The following AFG2A variants were observed in gnomAD, a reference collection of about 807,000 sequenced individuals.
AFG2A encodes AAA ATPase AFG2A, also known as ATPase family gene 2 protein homolog A.
chr4:123,236,137 C>T, the AFG2A span, among the ~76,000 whole-genome samples: 2 of 152,094 alleles, frequency 1.3e-5, no homozygotes, highest in East Asian at 3.9e-4. Flanking sequence ...CCTGAAAATA[C>T]AAATACAAAA....
At chr4:122,955,455 T>G in the AFG2A span, among the ~76,000 whole-genome samples, 4 of 152,202 alleles carry the variant, frequency 2.6e-5, no homozygotes, top group Non-Finnish European at 4.4e-5. Context: ...GAAGGGACAT[T>G]CAAACCATTG....
At chr4:123,290,576 A>C in the AFG2A span, among the ~76,000 whole-genome samples, 2 of 152,222 alleles carry the variant, frequency 1.3e-5, no homozygotes, top group Non-Finnish European at 2.9e-5. Flanking sequence ...AAAGAGGTTT[A>C]ATTGGACCCA....
the AFG2A span, among the ~76,000 whole-genome samples, chr4:123,005,450 C>T: frequency 3.3e-5 from 5 of 152,142 alleles, no homozygotes; most frequent in African/African-American, 9.7e-5. Context: ...CCACTGCGCC[C>T]AGCCTTGTTT....
At chr4:123,228,426 GA>G in the AFG2A span, among the ~76,000 whole-genome samples, 10 of 144,024 alleles carry the variant, frequency 6.9e-5, no homozygotes, top group South Asian at 2.2e-4. Context: ...AGCAACTGGA[GA>G]AAAAAAAAAG....
the AFG2A span, among the ~76,000 whole-genome samples, chr4:123,034,414 A>C: frequency 6.6e-6 from 1 of 152,146 alleles, no homozygotes; most frequent in South Asian, 2.1e-4. Flanking sequence ...AACCCACGTT[A>C]AAAGACATTC....
At chr4:123,316,743 C>T in the AFG2A span, 2 of 152,152 alleles carry the variant, frequency 1.3e-5, no homozygotes, top group Admixed American at 6.5e-5. Context: ...TTAATAGCCA[C>T]TCAAAGCCTT....
chr4:123,304,575 AG>A, the AFG2A span, among the ~76,000 whole-genome samples: 1 of 152,234 alleles, frequency 6.6e-6, no homozygotes, highest in East Asian at 1.9e-4. Flanking sequence ...AACAGGTCAC[AG>A]GTGTTCCAGA....
chr4:123,228,512 C>T, the AFG2A span, among the ~76,000 whole-genome samples: 4 of 151,908 alleles, frequency 2.6e-5, no homozygotes, highest in Non-Finnish European at 5.9e-5. Flanking sequence ...AAGGAAATGA[C>T]ATATTTCAAG....
chr4:122,997,537 A>T, the AFG2A span, among the ~76,000 whole-genome samples: 1 of 152,160 alleles, frequency 6.6e-6, no homozygotes, highest in African/African-American at 2.4e-5. Flanking sequence ...TTATCAGTTC[A>T]TCAGTTGATG....
At chr4:122,932,244 C>T in the AFG2A span, among the ~76,000 whole-genome samples, 1 of 150,934 alleles carries the variant, frequency 6.6e-6, no homozygotes, top group African/African-American at 2.4e-5. Flanking sequence ...CACCGCACTC[C>T]AGCCTGGGTG....
At chr4:123,220,091 G>A in the AFG2A span, among the ~76,000 whole-genome samples, 12 of 151,994 alleles carry the variant, frequency 7.9e-5, no homozygotes, top group African/African-American at 2.4e-4. Flanking sequence ...GGATGGTCTC[G>A]ATCTCTTGAC....
At chr4:123,124,363 A>T in the AFG2A span, among the ~76,000 whole-genome samples, 101,684 of 151,944 alleles carry the variant, frequency 0.67, 37,258 homozygotes, top group East Asian at 0.97. Context: ...CTGGAAACCA[A>T]CATTCTCAGC....
At chr4:122,936,527 A>G in the AFG2A span, among the ~76,000 whole-genome samples, 2 of 152,332 alleles carry the variant, frequency 1.3e-5, no homozygotes, top group African/African-American at 4.8e-5. Context: ...CTTTGCTTCA[A>G]AGGGACAAAT....
the AFG2A span, among the ~76,000 whole-genome samples, chr4:123,010,892 A>T: frequency 6.6e-6 from 1 of 152,246 alleles, no homozygotes; most frequent in East Asian, 1.9e-4. Flanking sequence ...CAGTAAACTC[A>T]TACCCCCAGC....
At chr4:123,212,276 C>T in the AFG2A span, among the ~76,000 whole-genome samples, 2 of 152,114 alleles carry the variant, frequency 1.3e-5, no homozygotes, top group South Asian at 2.1e-4. Flanking sequence ...ATTTTCTCAT[C>T]GCCTGCATAC....
the AFG2A span, among the ~76,000 whole-genome samples, chr4:122,938,930 C>G: frequency 6.6e-6 from 1 of 151,888 alleles, no homozygotes; most frequent in Non-Finnish European, 1.5e-5. Context: ...ATGAGTAAGT[C>G]TTATTACCCA....
At chr4:123,164,117 G>C in the AFG2A span, among the ~76,000 whole-genome samples, 1 of 152,030 alleles carries the variant, frequency 6.6e-6, no homozygotes, top group Non-Finnish European at 1.5e-5. Context: ...CCCCTTTTGG[G>C]CTCTTATATA....
At chr4:123,011,337 T>TTTA in the AFG2A span, among the ~76,000 whole-genome samples, 3 of 152,254 alleles carry the variant, frequency 2.0e-5, no homozygotes, top group Non-Finnish European at 4.4e-5. Flanking sequence ...AAAACTTTAT[T>TTTA]ATCAGCTAAC....
chr4:122,968,976 T>C, the AFG2A span, among the ~76,000 whole-genome samples: 1 of 152,116 alleles, frequency 6.6e-6, no homozygotes, highest in African/African-American at 2.4e-5. Context: ...TTTTTAAAAA[T>C]ATATTGATTT....
Sources: gnomAD v4.1 joint callset for allele counts (sites outside exome capture counted in the v4.1 genomes callset) on GRCh38, gnomAD v4.1.1 for gene constraint, MANE v1.5 for transcripts, NCBI Gene and HGNC (gene_info 2026-07-23, HGNC 2026-07-21) for gene names.